AP2B1: variants seen among roughly 807,000 people sequenced by gnomAD.
AP2B1 encodes the protein AP-2 complex subunit beta.
A neutral mutation model predicts 102.0 loss-of-function variants in AP2B1; 23 were observed. The observed-to-expected ratio is 0.23, with a 90% CI of 0.16 to 0.32. The LOEUF is 0.32. AP2B1 is among the 10% of genes least tolerant of loss of function. The pLI, the probability that AP2B1 is intolerant of heterozygous loss-of-function variation, is 1.00. For missense variants in AP2B1, 541 were observed against 1,157.4 expected, an observed-to-expected ratio of 0.47 and a Z score of 7.73; for synonymous variants, 381 against 421.2, an observed-to-expected ratio of 0.90 and a Z score of 1.17.
intron 12 of AP2B1, among the ~76,000 whole-genome samples, chr17:35,646,142 A>G (rs189302214): frequency 4.6e-4 from 70 of 152,338 alleles, no homozygotes; most frequent in Admixed American, 2.9e-3. Context: ...CTGGCCTGGT[A>G]AGTATTGTTT....
intron 1 of AP2B1, among the ~76,000 whole-genome samples, chr17:35,591,165 T>C (rs1418457326): frequency 7.0e-6 from 1 of 142,996 alleles, no homozygotes; most frequent in Non-Finnish European, 1.5e-5. Context: ...CAGTGAGATT[T>C]TGTCTCAAAA....
chr17:35,623,201 TTTC>T (rs2074230222), intron 5 of AP2B1, among the ~76,000 whole-genome samples: 1 of 152,150 alleles, frequency 6.6e-6, no homozygotes, highest in Non-Finnish European at 1.5e-5. Context: ...AGTGTTGACT[TTTC>T]TTCCTGCAGC....
At chr17:35,668,232 C>T (rs771772006) in intron 14 of AP2B1, among the ~76,000 whole-genome samples, 7 of 152,070 alleles carry the variant, frequency 4.6e-5, no homozygotes, top group East Asian at 3.9e-4. Context: ...CCACCACGCC[C>T]GGCCTCTCTG....
At chr17:35,637,009 TA>T (rs898303172) in intron 10 of AP2B1, among the ~76,000 whole-genome samples, 4 of 151,802 alleles carry the variant, frequency 2.6e-5, no homozygotes, top group East Asian at 1.9e-4. Context: ...TACAGATATA[TA>T]AAAAAAAATC....
At chr17:35,694,436 T>A (rs1376255879) in intron 18 of AP2B1, among the ~76,000 whole-genome samples, 1 of 89,562 alleles carries the variant, frequency 1.1e-5, no homozygotes, top group Non-Finnish European at 2.4e-5. Context: ...AATTTTTTAA[T>A]TTTTTGTAGA....
At chr17:35,638,819 T>C (rs930544181) in intron 10 of AP2B1, among the ~76,000 whole-genome samples, 1 of 151,808 alleles carries the variant, frequency 6.6e-6, no homozygotes, top group East Asian at 1.9e-4. Flanking sequence ...AAAGCTCTCT[T>C]TTATAAAAAG....
intron 18 of AP2B1, among the ~76,000 whole-genome samples, chr17:35,692,720 T>C (rs2076063844): frequency 6.6e-6 from 1 of 152,176 alleles, no homozygotes; most frequent in African/African-American, 2.4e-5. Flanking sequence ...TTTGTAGTAT[T>C]AAGGCCCATA....
chr17:35,673,706 G>A (rs1353838502), intron 16 of AP2B1, among the ~76,000 whole-genome samples: 1 of 152,040 alleles, frequency 6.6e-6, no homozygotes, highest in Non-Finnish European at 1.5e-5. Context: ...ACCAATAATG[G>A]CTTTGGTTGG....
chr17:35,630,341 A>C (rs2074427733), intron 9 of AP2B1, among the ~76,000 whole-genome samples: 1 of 152,208 alleles, frequency 6.6e-6, no homozygotes, highest in Non-Finnish European at 1.5e-5. Flanking sequence ...GGATCTTGAT[A>C]TGTTAACATT....
intron 18 of AP2B1, among the ~76,000 whole-genome samples, chr17:35,683,514 T>C (rs189833902): frequency 6.6e-6 from 1 of 152,230 alleles, no homozygotes; most frequent in Non-Finnish European, 1.5e-5. Flanking sequence ...TTAGCACCTA[T>C]CTATGATAAG....
rs2073658689 is a variant in AP2B1, at chr17:35,605,941, T to C, written c.279+101T>C. 11 of 1,510,750 alleles carry C rather than the reference T, an allele frequency of 7.3e-6. No homozygotes were observed. In the Admixed American group the frequency reaches 2.4e-4, roughly 33 times the overall value. The allele number at this position is 1,510,750 out of a possible 1,614,324, so 93.6% of individuals were successfully genotyped here. A position where few individuals can be genotyped will look rare whatever the true frequency, so the allele number is the denominator to read the frequency against. On this transcript the variant is annotated intron_variant, in intron 4 of 21. Coordinates refer to ENST00000610402, the MANE Select transcript of AP2B1 (RefSeq NM_001030006.2). The stretch of plus-strand genomic sequence containing the variant: ...GGGAAGTGTTGGCAATGACTAGGAA[T>C]GTTCATGTTTTAAGCATTCTGTATA...
At chr17:35,614,176 TG>T (rs983949697) in intron 5 of AP2B1, among the ~76,000 whole-genome samples, 42 of 152,272 alleles carry the variant, frequency 2.8e-4, no homozygotes, top group African/African-American at 8.9e-4. Context: ...CTTTGCTTTT[TG>T]TTTTTATTTA....
chr17:35,705,041 AAAAG>A (rs920313495), intron 18 of AP2B1, among the ~76,000 whole-genome samples: 17 of 152,216 alleles, frequency 1.1e-4, no homozygotes, highest in African/African-American at 4.1e-4. Context: ...AAAAAAAGAA[AAAAG>A]AAAGAACAAC....
chr17:35,723,180 T>G (rs781796415), intron 21 of AP2B1, among the ~76,000 whole-genome samples: 1 of 152,224 alleles, frequency 6.6e-6, no homozygotes, highest in South Asian at 2.1e-4. Context: ...TTCACTTGAT[T>G]GTACATCCTC....
At chr17:35,641,720 G>A (rs1452222550) in intron 11 of AP2B1, among the ~76,000 whole-genome samples, 157 bp from the exon 12 acceptor site, 2 of 152,184 alleles carry the variant, frequency 1.3e-5, no homozygotes, top group Non-Finnish European at 1.5e-5. Context: ...TTTGACTGCT[G>A]TTGTTGATAT....
At chr17:35,666,629 C>T (rs1044106968) in intron 14 of AP2B1, among the ~76,000 whole-genome samples, 1 of 152,134 alleles carries the variant, frequency 6.6e-6, no homozygotes, top group Non-Finnish European at 1.5e-5. Flanking sequence ...AGTGAGTGGA[C>T]ACCTCCAAGA....
At chr17:35,627,597 T>A (rs934025346) in intron 8 of AP2B1, 34 bp from the exon 9 acceptor site, 3 of 1,612,990 alleles carry the variant, frequency 1.9e-6, no homozygotes, top group Non-Finnish European at 2.5e-6. Context: ...TATTTGAGAA[T>A]CCTTAATGAT....
At chr17:35,676,967 C>CA (rs941944469) in intron 17 of AP2B1, among the ~76,000 whole-genome samples, 6 of 151,154 alleles carry the variant, frequency 4.0e-5, no homozygotes, top group Non-Finnish European at 5.9e-5. Flanking sequence ...ATAATGTTTT[C>CA]AAAAAAAACC....
Position 35,624,605 on chromosome 17 carries a change from G to A in AP2B1, c.716+18G>A. On this transcript the variant is annotated intron_variant, in intron 6 of 21. Coordinates refer to ENST00000610402, the MANE Select transcript of AP2B1 (RefSeq NM_001030006.2). The stretch of plus-strand genomic sequence containing the variant: ...GCTCAGAGGTCAGTCTGTTTTCCTG[G>A]CTACTTTCTGGTAGTCTTGCCTGAT... 4.4e-6 allele frequency: 7 copies of A among 1,602,268 alleles called. No individual in the cohort carries two copies. The highest frequency in any genetic ancestry group is 6.0e-6 in the Non-Finnish European group (7 of 1,173,394).
Sources: allele counts gnomAD v4.1 joint callset (sites outside exome capture counted in the v4.1 genomes callset), GRCh38; gene constraint gnomAD v4.1.1; transcripts MANE v1.5; gene names NCBI Gene and HGNC (gene_info 2026-07-23, HGNC 2026-07-21).